The following EPC1 variants were observed in gnomAD, a reference collection of about 807,000 sequenced individuals.
The protein encoded by EPC1 is enhancer of polycomb homolog 1.
A neutral mutation model predicts 98.4 loss-of-function variants in EPC1; 12 were observed. The ratio of observed to expected loss-of-function variants is 0.12; its 90% confidence interval spans 0.08 to 0.20. The LOEUF is 0.20. Among genes scored for constraint, EPC1 ranks in the 10% least tolerant of loss-of-function variants. The probability of loss-of-function intolerance (pLI) is 1.00; values close to 1 mark genes in which losing one functional copy is unlikely to be tolerated. For missense variants in EPC1, 729 were observed against 990.5 expected (o/e 0.74, Z 3.54); for synonymous variants, 357 against 363.9 (o/e 0.98, Z 0.21).
chr10:32,338,813 C>T (rs948335835), intron 1 of EPC1, among the ~76,000 whole-genome samples: 2 of 152,012 alleles, frequency 1.3e-5, no homozygotes, highest in Non-Finnish European at 2.9e-5. Context: ...GTGGCATCCT[C>T]CTGGAGTTTC....
chr10:32,286,488 T>G (rs1836685103), intron 9 of EPC1: 1 of 566,832 alleles, frequency 1.8e-6, no homozygotes, highest in Non-Finnish European at 3.0e-6. Flanking sequence ...GCAGGTCCAC[T>G]AGGGACCCAA....
intron 1 of EPC1, among the ~76,000 whole-genome samples, chr10:32,333,635 G>A (rs1837773256): frequency 6.6e-6 from 1 of 152,148 alleles, no homozygotes; most frequent in South Asian, 2.1e-4. Flanking sequence ...TAAGCCATGG[G>A]AGTAACTATA....
chr10:32,370,038 T>A (rs1223276172), intron 1 of EPC1, among the ~76,000 whole-genome samples: 3 of 152,222 alleles, frequency 2.0e-5, no homozygotes, highest in Admixed American at 2.0e-4. Context: ...AATGGAGAAC[T>A]ACTACTTTGA....
At chr10:32,300,786 A>G (rs1258889327) in intron 2 of EPC1, among the ~76,000 whole-genome samples, 1 of 151,936 alleles carries the variant, frequency 6.6e-6, no homozygotes, top group African/African-American at 2.4e-5. Context: ...TGTTGTGCGA[A>G]CTGTCCCAGA....
chr10:32,286,931 A>T lies in EPC1; in HGVS notation c.1237T>A (p.Tyr413Asn). The T allele has an allele frequency of 6.2e-7, 1 of 1,613,132 alleles. No individual in the cohort carries two copies. Among genetic ancestry groups the T allele is most frequent in the Non-Finnish European group, 8.5e-7 (1 of 1,179,598 alleles). ...AFRRKAGCQY[Y>N]APHLDQTGNW... ...AAAGACACTCTGAAACTTACAGCAT[A>T]GTACTGACAGCCTGCTTTCCTACGG... The change falls in exon 8 of 14, where the codon TAT (tyrosine) becomes AAT (asparagine). Residue 413 changes from tyrosine (Y) to asparagine (N), a missense_variant. Physicochemically the swap from Tyr to Asn is moderately radical, Grantham distance 143 (BLOSUM62 -2). Transcript: ENST00000319778.
At chr10:32,353,538 C>T (rs1238750482) in intron 1 of EPC1, among the ~76,000 whole-genome samples, 1 of 152,098 alleles carries the variant, frequency 6.6e-6, no homozygotes, top group Non-Finnish European at 1.5e-5. Flanking sequence ...GTCCGGATTC[C>T]TCATTTCTTC....
At chr10:32,307,001 A>T (rs1012468552) in intron 1 of EPC1, among the ~76,000 whole-genome samples, 1 of 152,218 alleles carries the variant, frequency 6.6e-6, no homozygotes, top group South Asian at 2.1e-4. Flanking sequence ...ACAAATGTGT[A>T]CATATTTAAA....
chr10:32,321,142 TG>T (rs928437555), intron 1 of EPC1, among the ~76,000 whole-genome samples: 2 of 152,164 alleles, frequency 1.3e-5, no homozygotes, highest in Admixed American at 6.5e-5. Flanking sequence ...AACTATAGTG[TG>T]GGGCCAAATC....
At chr10:32,354,688 A>C (rs1839219686) in intron 1 of EPC1, among the ~76,000 whole-genome samples, 1 of 150,926 alleles carries the variant, frequency 6.6e-6, no homozygotes, top group Non-Finnish European at 1.5e-5. Flanking sequence ...TTTATTGTAA[A>C]TGTGTAATGT....
At chr10:32,271,182 C>G (rs1413504234) in intron 13 of EPC1, among the ~76,000 whole-genome samples, 1 of 151,964 alleles carries the variant, frequency 6.6e-6, no homozygotes, top group South Asian at 2.1e-4. Context: ...GTAGAGGTGG[C>G]CTTTCACCAT....
intron 6 of EPC1, among the ~76,000 whole-genome samples, chr10:32,288,312 C>CTTTTTTT (rs5784278): frequency 1.4e-3 from 169 of 123,966 alleles, no homozygotes; most frequent in East Asian, 3.0e-3. Flanking sequence ...TTACTTTTTT[C>CTTTTTTT]TTTTTTTTTT....
intron 1 of EPC1, among the ~76,000 whole-genome samples, chr10:32,367,932 T>C (rs1839645754): frequency 6.6e-6 from 1 of 152,246 alleles, no homozygotes; most frequent in Non-Finnish European, 1.5e-5. Flanking sequence ...TGTAAACTCA[T>C]AATTGTCAGG....
chr10:32,325,130 G>A (rs1011156145), intron 1 of EPC1, among the ~76,000 whole-genome samples: 1 of 152,158 alleles, frequency 6.6e-6, no homozygotes, highest in Non-Finnish European at 1.5e-5. Flanking sequence ...ACTTAAGGAC[G>A]TTTTATGATA....
At chr10:32,368,028 C>A (rs1000835787) in intron 1 of EPC1, among the ~76,000 whole-genome samples, 7 of 152,206 alleles carry the variant, frequency 4.6e-5, no homozygotes, top group Non-Finnish European at 1.0e-4. Flanking sequence ...TCCACACTTA[C>A]TGAAAATTGT....
upstream of EPC1, among the ~76,000 whole-genome samples, chr10:32,349,955 GC>G (rs775600023): frequency 1.6e-4 from 25 of 152,204 alleles, no homozygotes; most frequent in Non-Finnish European, 2.9e-4. Flanking sequence ...CAGGAAGGCA[GC>G]AGTAAAGATT....
intron 1 of EPC1, among the ~76,000 whole-genome samples, chr10:32,316,079 C>T (rs763860210): frequency 2.0e-5 from 3 of 152,174 alleles, no homozygotes; most frequent in Non-Finnish European, 4.4e-5. Flanking sequence ...TAAGAATCAG[C>T]CTGCTCCCTC....
intron 1 of EPC1, among the ~76,000 whole-genome samples, chr10:32,360,297 C>T (rs1373339573): frequency 6.6e-6 from 1 of 152,176 alleles, no homozygotes; most frequent in Non-Finnish European, 1.5e-5. Context: ...AGCCCTGTTG[C>T]CTCTTTTCCT....
intron 1 of EPC1, among the ~76,000 whole-genome samples, chr10:32,368,361 C>T (rs949668847): frequency 6.6e-6 from 1 of 152,172 alleles, no homozygotes; most frequent in African/African-American, 2.4e-5. Flanking sequence ...ACTCTCTATC[C>T]GCACTGGCTT....
rs1835919786 is a variant in EPC1 at position 32,273,160 on chromosome 10, C to T, written c.1863+3G>A. 6.2e-7 allele frequency: 1 copy of T among 1,614,110 alleles called. No individual in the cohort carries two copies. ...ATAATCATAAGACAGACAAATCCCTCACCTGTGATGTGTTGGTGGAGGAAT... is the reference window on the plus strand; with the variant it reads ...ATAATCATAAGACAGACAAATCCCTTACCTGTGATGTGTTGGTGGAGGAAT... On this transcript the variant is annotated splice_donor_region_variant and intron_variant, in intron 11 of 13. Coordinates refer to ENST00000319778, the MANE Select transcript of EPC1 (RefSeq NM_001272004.3).
Sources: allele counts gnomAD v4.1 joint callset (sites outside exome capture counted in the v4.1 genomes callset), GRCh38; gene constraint gnomAD v4.1.1; transcripts MANE v1.5; gene names NCBI Gene and HGNC (gene_info 2026-07-23, HGNC 2026-07-21).